Variants in PRELID2 observed in about 807,000 individuals in gnomAD.
PRELID2 encodes the protein PRELI domain containing 2.
A neutral mutation model predicts 28.4 loss-of-function variants in PRELID2; 25 were observed. The ratio of observed to expected loss-of-function variants is 0.88; its 90% CI spans 0.64 to 1.23. The LOEUF (loss-of-function observed/expected upper bound fraction) is 1.23, where lower values mean the gene tolerates loss of function less well. Among genes scored for constraint, PRELID2 ranks in the 50% most tolerant of loss-of-function variants. The pLI, the probability that PRELID2 is intolerant of heterozygous loss-of-function variation, is 0.00. For missense variants in PRELID2, 201 were observed against 214.4 expected (o/e 0.94, Z 0.39); for synonymous variants, 76 against 71.6 (o/e 1.06, Z -0.31).
At chr5:145,280,902 T>C in the PRELID2 span, among the ~76,000 whole-genome samples, 2 of 152,054 alleles carry the variant, frequency 1.3e-5, no homozygotes, top group African/African-American at 4.8e-5. Flanking sequence ...AACCCAAAAC[T>C]GGCTTGTGAT....
the PRELID2 span, among the ~76,000 whole-genome samples, chr5:145,435,508 T>C: frequency 6.6e-6 from 1 of 152,200 alleles, no homozygotes; most frequent in Admixed American, 6.5e-5. Flanking sequence ...CCACAGCTGG[T>C]ATTTGTACAT....
At chr5:145,706,915 T>C (rs1352535917) in intron 1 of PRELID2, among the ~76,000 whole-genome samples, 1 of 152,166 alleles carries the variant, frequency 6.6e-6, no homozygotes, top group African/African-American at 2.4e-5. Flanking sequence ...CTAAACATCC[T>C]TTCCTAGGAC....
chr5:145,804,542 A>G (rs771847348), intron 4 of PRELID2, among the ~76,000 whole-genome samples: 1 of 152,200 alleles, frequency 6.6e-6, no homozygotes, highest in Non-Finnish European at 1.5e-5. Flanking sequence ...TAATAATAAC[A>G]GTTAACATAT....
At chr5:145,330,421 T>C in the PRELID2 span, among the ~76,000 whole-genome samples, 282 of 152,326 alleles carry the variant, frequency 1.9e-3, 8 homozygotes, top group East Asian at 0.044. Context: ...ATTTGGTTGG[T>C]AGACTATTAA....
intron 6 of PRELID2, among the ~76,000 whole-genome samples, chr5:145,763,683 G>A (rs191552003): frequency 2.4e-4 from 36 of 152,264 alleles, no homozygotes; most frequent in Admixed American, 5.9e-4. Context: ...ACAAGACTAT[G>A]TGTCTCAACT....
At chr5:145,404,686 G>T in the PRELID2 span, among the ~76,000 whole-genome samples, 1 of 152,178 alleles carries the variant, frequency 6.6e-6, no homozygotes, top group Admixed American at 6.5e-5. Context: ...TCACAAGGCT[G>T]GGGTGAAGAT....
the PRELID2 span, among the ~76,000 whole-genome samples, chr5:145,356,811 A>G: frequency 1.3e-5 from 2 of 152,130 alleles, no homozygotes; most frequent in Non-Finnish European, 2.9e-5. Context: ...TTAGCAGATT[A>G]TTATGCATAC....
the PRELID2 span, among the ~76,000 whole-genome samples, chr5:145,401,306 G>T: frequency 6.6e-5 from 10 of 151,608 alleles, no homozygotes; most frequent in African/African-American, 2.2e-4. Flanking sequence ...CTCATGTTAA[G>T]TGTTCTTACC....
intron 4 of PRELID2, among the ~76,000 whole-genome samples, chr5:145,804,833 G>A (rs924973777): frequency 2.6e-5 from 4 of 152,220 alleles, no homozygotes; most frequent in South Asian, 2.1e-4. Flanking sequence ...AGTTGATGGC[G>A]AAGCTTCAAA....
chr5:145,483,717 G>T (rs975735116), intron 1 of PRELID2, among the ~76,000 whole-genome samples: 1 of 152,094 alleles, frequency 6.6e-6, no homozygotes, highest in African/African-American at 2.4e-5. Context: ...TCCAACAAGT[G>T]ATAGAGCCAG....
chr5:145,634,919 C>T (rs1472901563), intron 1 of PRELID2, among the ~76,000 whole-genome samples: 2 of 152,188 alleles, frequency 1.3e-5, no homozygotes, highest in Non-Finnish European at 2.9e-5. Flanking sequence ...CTTCCAACGT[C>T]TTATACAACA....
rs571527724 is a variant in PRELID2 at position 145,653,226 on chromosome 5, A to T, written n.70+111705T>A. Among the ~76,000 whole-genome samples, 300 of 152,340 alleles carry T rather than the reference A, an allele frequency of 2.0e-3. 2 individuals carry two copies. Among genetic ancestry groups the T allele is most frequent in the African/African-American group, 6.9e-3 (285 of 41,574 alleles). On this transcript the variant is annotated intron_variant and non_coding_transcript_variant, in intron 1 of 2. Transcript: ENST00000510259. Reference sequence around the variant, plus strand: ...TATCCTAAATATATATGCACCCAATACAGGAGCACCCAGATTTATAAAGCA... The same window carrying T: ...TATCCTAAATATATATGCACCCAATTCAGGAGCACCCAGATTTATAAAGCA...
At chr5:145,571,251 C>T (rs1753012685) in intron 1 of PRELID2, among the ~76,000 whole-genome samples, 1 of 152,164 alleles carries the variant, frequency 6.6e-6, no homozygotes. Flanking sequence ...CTAAGCCCTG[C>T]AACTGTCAGA....
the PRELID2 span, among the ~76,000 whole-genome samples, chr5:145,333,963 T>A: frequency 6.6e-6 from 1 of 152,048 alleles, no homozygotes; most frequent in Non-Finnish European, 1.5e-5. Flanking sequence ...GTGGGAAAAT[T>A]GTAGTATCCT....
chr5:145,608,372 G>A (rs1753539879), intron 1 of PRELID2, among the ~76,000 whole-genome samples: 1 of 152,116 alleles, frequency 6.6e-6, no homozygotes, highest in Admixed American at 6.6e-5. Context: ...CTTTGTGATG[G>A]CTGGTAACAG....
At chr5:145,681,458 C>T (rs1029054819) in intron 1 of PRELID2, among the ~76,000 whole-genome samples, 4 of 152,160 alleles carry the variant, frequency 2.6e-5, no homozygotes, top group African/African-American at 9.7e-5. Context: ...AGAAAATGTG[C>T]TCCAGGATAA....
At chr5:145,494,809 G>A (rs1412319956) in intron 1 of PRELID2, among the ~76,000 whole-genome samples, 1 of 152,122 alleles carries the variant, frequency 6.6e-6, no homozygotes, top group African/African-American at 2.4e-5. Flanking sequence ...TCATTGAATA[G>A]ATAAGAGAAT....
chr5:145,636,373 A>G (rs376653745), intron 1 of PRELID2, among the ~76,000 whole-genome samples: 1 of 152,200 alleles, frequency 6.6e-6, no homozygotes, highest in South Asian at 2.1e-4. Context: ...GCATTATCCA[A>G]GCTTGTATCT....
the PRELID2 span, among the ~76,000 whole-genome samples, chr5:145,445,268 C>T: frequency 1.3e-5 from 2 of 152,030 alleles, no homozygotes; most frequent in African/African-American, 4.8e-5. Context: ...TTGCCAAGAA[C>T]ACTCACTGGG....
Sources: allele counts gnomAD v4.1 joint callset (sites outside exome capture counted in the v4.1 genomes callset), GRCh38; gene constraint gnomAD v4.1.1; transcripts MANE v1.5; gene names NCBI Gene and HGNC (gene_info 2026-07-23, HGNC 2026-07-21).